THSD7A: variants seen among roughly 807,000 people sequenced by gnomAD.
THSD7A encodes thrombospondin type 1 domain containing 7A.
THSD7A carries 96 observed loss-of-function variants against 231.3 expected under a neutral mutation model. The observed-to-expected ratio is 0.41, with a 90% CI of 0.35 to 0.49. The LOEUF is 0.49. Ranked by LOEUF, THSD7A falls within the 20% of genes least tolerant of loss-of-function variation. THSD7A has a pLI of 0.05. For synonymous variants in THSD7A, 940 were observed against 743.3 expected (o/e 1.26, Z -4.30); for missense variants, 2,290 against 2,070.2 (o/e 1.11, Z -2.06).
chr7:11,437,104 G>C (rs1784657424), intron 13 of THSD7A, among the ~76,000 whole-genome samples: 1 of 152,068 alleles, frequency 6.6e-6, no homozygotes, highest in African/African-American at 2.4e-5. Flanking sequence ...AAGGACACAG[G>C]ATCTATTGGA....
At chr7:11,548,152 C>T (rs1789476191) in intron 4 of THSD7A, among the ~76,000 whole-genome samples, 1 of 152,042 alleles carries the variant, frequency 6.6e-6, no homozygotes, top group Admixed American at 6.6e-5. Context: ...TCCTATTAAA[C>T]ACAGTAAGAA....
chr7:11,566,090 C>T (rs1790307471), intron 4 of THSD7A, among the ~76,000 whole-genome samples: 1 of 152,064 alleles, frequency 6.6e-6, no homozygotes, highest in South Asian at 2.1e-4. Context: ...TAAACTACTG[C>T]ATGTGTTTCT....
rs555469940 is a variant in THSD7A, at chr7:11,549,481, A to G, written c.1454-6364T>C. On this transcript the variant is annotated intron_variant, in intron 4 of 27. Transcript: ENST00000423059. ...CTATTATAAAGATATATGCATGCTC[A>G]TGTTCATTGCAGCACTATTCACAAT... 5.3e-5 allele frequency among the ~76,000 whole-genome samples: 8 copies of G among 152,254 alleles called. No homozygotes were observed. The East Asian group carries it at 1.4e-3, about 26-fold the overall frequency.
At chr7:11,461,212 A>G (rs1173285900) in intron 10 of THSD7A, among the ~76,000 whole-genome samples, 1 of 143,548 alleles carries the variant, frequency 7.0e-6, no homozygotes, top group Non-Finnish European at 1.5e-5. Context: ...ATGCTTTACA[A>G]AAACAAATTC....
chr7:11,554,555 TTA>T (rs1789766543), intron 4 of THSD7A, among the ~76,000 whole-genome samples: 2 of 152,200 alleles, frequency 1.3e-5, no homozygotes, highest in African/African-American at 4.8e-5. Context: ...GCTGTATTGA[TTA>T]TGTTTTTAGT....
At chr7:11,665,984 C>T (rs1783115447) in intron 1 of THSD7A, among the ~76,000 whole-genome samples, 1 of 152,036 alleles carries the variant, frequency 6.6e-6, no homozygotes, top group African/African-American at 2.4e-5. Context: ...TTAAGGTAAA[C>T]TCTCCTCTAA....
chr7:11,471,731 G>A (rs757683687), intron 8 of THSD7A, among the ~76,000 whole-genome samples: 38 of 152,072 alleles, frequency 2.5e-4, no homozygotes, highest in Non-Finnish European at 4.7e-4. Flanking sequence ...AATCATAGAA[G>A]CAAATTTATT....
At chr7:11,666,316 G>C (rs1783129721) in intron 1 of THSD7A, among the ~76,000 whole-genome samples, 1 of 151,958 alleles carries the variant, frequency 6.6e-6, no homozygotes, top group Non-Finnish European at 1.5e-5. Flanking sequence ...TATACATATA[G>C]ACTGAAGGTA....
At chr7:11,595,671 G>C (rs1425150864) in intron 2 of THSD7A, among the ~76,000 whole-genome samples, 1 of 152,150 alleles carries the variant, frequency 6.6e-6, no homozygotes, top group African/African-American at 2.4e-5. Context: ...CCAATGCCTT[G>C]CAAAATAGAT....
intron 1 of THSD7A, among the ~76,000 whole-genome samples, chr7:11,714,617 TTTC>T (rs1195581373): frequency 6.6e-6 from 1 of 151,172 alleles, no homozygotes; most frequent in East Asian, 2.0e-4. Flanking sequence ...TCACCCTTGT[TTTC>T]TTAAGGAAAC....
At chr7:11,534,057 A>T (rs1433936934) in intron 6 of THSD7A, among the ~76,000 whole-genome samples, 1 of 152,212 alleles carries the variant, frequency 6.6e-6, no homozygotes. Context: ...CTCTGATTCA[A>T]GAGTAGCTAC....
intron 2 of THSD7A, among the ~76,000 whole-genome samples, chr7:11,631,055 T>C (rs1304577589): frequency 6.6e-6 from 1 of 152,216 alleles, no homozygotes; most frequent in Non-Finnish European, 1.5e-5. Context: ...ACTTCTGTGA[T>C]TCTGGGGTGG....
chr7:11,490,496 C>G (rs1001349562), intron 6 of THSD7A, among the ~76,000 whole-genome samples: 1 of 152,078 alleles, frequency 6.6e-6, no homozygotes, highest in African/African-American at 2.4e-5. Context: ...TAAGCTTTGA[C>G]ATGAGACTCA....
chr7:11,743,220 T>C (rs556175186), intron 1 of THSD7A, among the ~76,000 whole-genome samples: 2 of 152,038 alleles, frequency 1.3e-5, no homozygotes, highest in South Asian at 4.1e-4. Context: ...TTGACTTTTG[T>C]TATCTTTACA....
intron 7 of THSD7A, among the ~76,000 whole-genome samples, chr7:11,479,805 G>T: frequency 6.6e-6 from 1 of 152,136 alleles, no homozygotes; most frequent in East Asian, 1.9e-4. Context: ...TTTTATAAAT[G>T]TTATTAACAG....
At chr7:11,722,462 C>A (rs1057265020) in intron 1 of THSD7A, among the ~76,000 whole-genome samples, 1 of 151,840 alleles carries the variant, frequency 6.6e-6, no homozygotes, top group Admixed American at 6.6e-5. Flanking sequence ...TGCATTCTGG[C>A]AACCAAGTGA....
Position 11,814,190 on chromosome 7 carries a change from AT to A in THSD7A, c.190+17566del, listed in dbSNP as rs1562573767. Among the ~76,000 whole-genome samples, 1 of 152,178 alleles carries A rather than the reference AT, an allele frequency of 6.6e-6. No individual in the cohort carries two copies. The highest frequency in any genetic ancestry group is 1.5e-5 in the Non-Finnish European group (1 of 68,036). On this transcript the variant is annotated intron_variant, in intron 1 of 27. Coordinates refer to ENST00000423059, the MANE Select transcript of THSD7A (RefSeq NM_015204.3). This position sits in a 1 kb window ranked among gnomAD's most constrained non-coding sequence, Gnocchi z 5.1. ...CTTGGGGTAATGAAAATGTTCTTGA[AT>A]TGATTGTGGTAATGGATGCACAAGT...
intron 6 of THSD7A, among the ~76,000 whole-genome samples, chr7:11,495,659 C>G (rs1197443578): frequency 6.6e-6 from 1 of 152,060 alleles, no homozygotes; most frequent in African/African-American, 2.4e-5. Context: ...CTAGAAAAAT[C>G]TTAAAAAGGG....
intron 18 of THSD7A, 110 bp downstream of exon 18, chr7:11,412,546 C>G: frequency 7.8e-7 from 1 of 1,276,392 alleles, no homozygotes; most frequent in Non-Finnish European, 1.1e-6. Flanking sequence ...AAGTAAGCAG[C>G]ATATCCAAAA....
Sources: gnomAD v4.1 joint callset for allele counts (sites outside exome capture counted in the v4.1 genomes callset) on GRCh38, gnomAD v4.1.1 for gene constraint, Gnocchi (gnomAD v3.1) non-coding constraint, MANE v1.5 for transcripts, NCBI Gene and HGNC (gene_info 2026-07-23, HGNC 2026-07-21) for gene names.